Variants in PSD3 observed in about 807,000 individuals in gnomAD.
PSD3 encodes pleckstrin and Sec7 domain containing 3.
PSD3 carries 49 observed loss-of-function variants against 105.5 expected under a neutral mutation model. The ratio of observed to expected loss-of-function variants is 0.46; its 90% CI spans 0.37 to 0.59. The LOEUF is 0.59. Among genes scored for constraint, PSD3 ranks in the 20% least tolerant of loss-of-function variants. PSD3 has a pLI of 0.00. For missense variants in PSD3, 1,561 were observed against 1,263.8 expected (o/e 1.24, Z -3.57); for synonymous variants, 557 against 457.8 (o/e 1.22, Z -2.77).
At chr8:18,581,064 A>C (rs6586757) in intron 12 of PSD3, among the ~76,000 whole-genome samples, 3,215 of 152,134 alleles carry the variant, frequency 0.021, 123 homozygotes, top group African/African-American at 0.074. Context: ...TGAGAGAGAA[A>C]CTCTGAAGCT....
At chr8:18,853,133 G>A (rs1344402974) in intron 4 of PSD3, among the ~76,000 whole-genome samples, 1 of 151,768 alleles carries the variant, frequency 6.6e-6, no homozygotes, top group Non-Finnish European at 1.5e-5. Flanking sequence ...TATTCTCTTT[G>A]TCATTTCTTA....
At chr8:18,650,086 G>C (rs1808364841) in intron 10 of PSD3, among the ~76,000 whole-genome samples, 2 of 152,192 alleles carry the variant, frequency 1.3e-5, no homozygotes, top group Non-Finnish European at 2.9e-5. Flanking sequence ...CACTGTTGTA[G>C]AAAGCAGCAA....
intron 9 of PSD3, among the ~76,000 whole-genome samples, chr8:18,752,705 A>AAT (rs561445517): frequency 4.6e-4 from 54 of 116,724 alleles, no homozygotes; most frequent in African/African-American, 1.6e-3. Flanking sequence ...TATAATATAT[A>AAT]ATATATATAT....
chr8:19,036,660 A>G (rs1827952609), intron 1 of PSD3, among the ~76,000 whole-genome samples: 1 of 152,134 alleles, frequency 6.6e-6, no homozygotes, highest in Non-Finnish European at 1.5e-5. Context: ...TGGGTTGGAA[A>G]TCTTATCCAT....
intron 1 of PSD3, among the ~76,000 whole-genome samples, chr8:18,939,447 T>G (rs1014798868): frequency 2.6e-5 from 4 of 152,030 alleles, no homozygotes; most frequent in Non-Finnish European, 2.9e-5. Context: ...TGTATACTCG[T>G]CCCTAGTTTG....
At chr8:18,672,931 C>T (rs1256632890) in intron 9 of PSD3, among the ~76,000 whole-genome samples, 2 of 152,008 alleles carry the variant, frequency 1.3e-5, no homozygotes, top group Non-Finnish European at 2.9e-5. Flanking sequence ...ATTCCAGTCT[C>T]GTATGTACCT....
Position 18,799,304 on chromosome 8 carries a change from T to G in PSD3, c.2073A>C (p.Leu691=). 6 of 1,605,356 alleles carry G rather than the reference T, an allele frequency of 3.7e-6. No individual in the cohort carries two copies. Among genetic ancestry groups the G allele is most frequent in the Non-Finnish European group, 5.1e-6 (6 of 1,172,174 alleles). ...TCAIMLLNTD[L]HGHNIGKKMT... The stretch of plus-strand genomic sequence containing the variant: ...ACAAATCCACACTTACGTGGCCATG[T>G]AGATCGGTATTAAGAAGCATTATTG... The change falls in exon 8 of 16, where the codon CTA becomes CTC. Residue 691 remains leucine, a synonymous_variant. Coordinates refer to ENST00000327040, the MANE Select transcript of PSD3 (RefSeq NM_015310.4).
At chr8:18,579,248 T>G (rs562092227) in intron 12 of PSD3, among the ~76,000 whole-genome samples, 1 of 152,132 alleles carries the variant, frequency 6.6e-6, no homozygotes, top group Non-Finnish European at 1.5e-5. Context: ...AAGGAGAGGA[T>G]AGTGTTTAAA....
intron 1 of PSD3, among the ~76,000 whole-genome samples, chr8:19,022,348 A>G (rs569885086): frequency 6.6e-6 from 1 of 152,302 alleles, no homozygotes; most frequent in Admixed American, 6.5e-5. Flanking sequence ...TACCCACTGG[A>G]ACATTTCTTC....
intron 8 of PSD3, among the ~76,000 whole-genome samples, chr8:18,792,272 T>C (rs966242093): frequency 3.3e-5 from 5 of 152,202 alleles, no homozygotes; most frequent in Non-Finnish European, 5.9e-5. Context: ...ATGCATATGT[T>C]AATTGCAGCA....
chr8:18,928,794 C>T (rs530377726), intron 2 of PSD3, among the ~76,000 whole-genome samples: 1 of 149,026 alleles, frequency 6.7e-6, no homozygotes, highest in East Asian at 2.0e-4. Context: ...CTTTCTCTTT[C>T]TCTCTCTCTC....
At chr8:18,838,249 TGGC>T (rs1814297385) in intron 4 of PSD3, among the ~76,000 whole-genome samples, 1 of 152,190 alleles carries the variant, frequency 6.6e-6, no homozygotes, top group African/African-American at 2.4e-5. Context: ...TGTAGAGCGA[TGGC>T]TTTATGTGAT....
At chr8:19,018,238 A>G (rs954724493), upstream of PSD3, among the ~76,000 whole-genome samples, 9 of 152,212 alleles carry the variant, frequency 5.9e-5, no homozygotes, top group African/African-American at 2.2e-4. Flanking sequence ...ACTGATAATA[A>G]CATTTACACT....
chr8:18,781,513 G>C (rs1454641195), intron 8 of PSD3, among the ~76,000 whole-genome samples: 2 of 152,148 alleles, frequency 1.3e-5, no homozygotes, highest in Non-Finnish European at 2.9e-5. Context: ...TTTGGGGGTA[G>C]GGTTGTATAG....
intron 1 of PSD3, among the ~76,000 whole-genome samples, chr8:18,957,834 A>G (rs1296526269): frequency 6.6e-6 from 1 of 152,226 alleles, no homozygotes; most frequent in Non-Finnish European, 1.5e-5. Flanking sequence ...AGTGTGGTGC[A>G]GCTAGCATGA....
intron 11 of PSD3, among the ~76,000 whole-genome samples, chr8:18,608,377 T>C (rs991851381): frequency 6.6e-6 from 1 of 152,152 alleles, no homozygotes; most frequent in African/African-American, 2.4e-5. Context: ...TCCTGACCAG[T>C]ATGGGTGAAA....
chr8:18,716,169 T>C (rs976098886), intron 9 of PSD3, among the ~76,000 whole-genome samples: 2 of 152,118 alleles, frequency 1.3e-5, no homozygotes, highest in African/African-American at 2.4e-5. Flanking sequence ...TATTAAACAG[T>C]TGATTGCTGG....
At chr8:18,843,803 T>G (rs1395302396) in intron 4 of PSD3, among the ~76,000 whole-genome samples, 1 of 152,218 alleles carries the variant, frequency 6.6e-6, no homozygotes, top group Non-Finnish European at 1.5e-5. Context: ...ATATTTATTG[T>G]GCACTTACTG....
At position 18,804,775 on chromosome 8, in the gene PSD3, T is replaced by G. The variant is rs778197598; in HGVS notation, c.1758A>C (p.Lys586Asn). 1 of 1,614,136 alleles carries G rather than the reference T, an allele frequency of 6.2e-7. No individual in the cohort carries two copies. Among genetic ancestry groups the G allele is most frequent in the Non-Finnish European group, 8.5e-7 (1 of 1,180,006 alleles). Reference protein sequence around the residue: ...NGTSSNVEAAKRLAKRLYQLD... With the variant: ...NGTSSNVEAANRLAKRLYQLD... Reference sequence around the variant, plus strand: ...GCTGATAAAGGCGTTTGGCCAACCTTTTGGCTGCTTCCACATTGCTGCTGG... The same window carrying G: ...GCTGATAAAGGCGTTTGGCCAACCTGTTGGCTGCTTCCACATTGCTGCTGG... The change falls in exon 5 of 16, where the codon AAA becomes AAC. Residue 586 changes from lysine (K) to asparagine (N), a missense_variant. Lys to Asn is a moderately conservative substitution (Grantham distance 94, BLOSUM62 0). Transcript: ENST00000327040.
Sources: allele counts gnomAD v4.1 joint callset (sites outside exome capture counted in the v4.1 genomes callset), GRCh38; gene constraint gnomAD v4.1.1; transcripts MANE v1.5; gene names NCBI Gene and HGNC (gene_info 2026-07-23, HGNC 2026-07-21).